GATA4: variants seen among roughly 807,000 people sequenced by gnomAD.
The protein encoded by GATA4 is GATA binding protein 4, also known as transcription factor GATA-4.
In GATA4, 7 loss-of-function variants were observed where a neutral mutation model predicts 37.9. The ratio of observed to expected loss-of-function variants is 0.18; its 90% confidence interval spans 0.11 to 0.35. The LOEUF is 0.35. GATA4 is among the 10% of genes least tolerant of loss of function. The probability of loss-of-function intolerance (pLI) is 1.00; values close to 1 mark genes in which losing one functional copy is unlikely to be tolerated. For synonymous variants in GATA4, 372 were observed against 292.6 expected (o/e 1.27, Z -2.77); for missense variants, 647 against 653.0 (o/e 0.99, Z 0.10).
intron 2 of GATA4, among the ~76,000 whole-genome samples, chr8:11,735,641 C>A (rs1467344682): frequency 6.6e-6 from 1 of 152,210 alleles, no homozygotes; most frequent in East Asian, 1.9e-4. Context: ...CGGCTCACTG[C>A]AACCTCCTCC....
At chr8:11,698,906 G>A (rs1359993299) in intron 1 of GATA4, among the ~76,000 whole-genome samples, 1 of 152,158 alleles carries the variant, frequency 6.6e-6, no homozygotes, top group Non-Finnish European at 1.5e-5. Context: ...GTGCCACCCA[G>A]GCTGGGCCCC....
intron 4 of GATA4, among the ~76,000 whole-genome samples, chr8:11,752,206 A>G (rs17153743): frequency 0.042 from 6,403 of 152,336 alleles, 436 homozygotes; most frequent in African/African-American, 0.15. Context: ...TCGAAGGTGC[A>G]TTAAACAGAC....
At chr8:11,750,058 G>A in intron 3 of GATA4, 53 bp from the exon 4 acceptor site, 2 of 1,613,252 alleles carry the variant, frequency 1.2e-6, no homozygotes, top group Non-Finnish European at 8.5e-7. Context: ...CGAGGTGGAA[G>A]GGCAGTGCAC....
chr8:11,733,623 A>T (rs548214663), intron 2 of GATA4, among the ~76,000 whole-genome samples: 4 of 152,260 alleles, frequency 2.6e-5, no homozygotes, highest in Non-Finnish European at 5.9e-5. Context: ...TGCCTTAACA[A>T]TGCCAAACTA....
Position 11,758,557 on chromosome 8 carries a change from G to C in GATA4, c.*82G>C. On this transcript the variant is annotated 3_prime_UTR_variant, in exon 7 of 7. Coordinates refer to ENST00000532059, the MANE Select transcript of GATA4 (RefSeq NM_001308093.3). ...AGAAGGAGGCCCTGGGCTCCCAGGG[G>C]CCGGCCTCCTCTGCCTGGTAATGAC... 7.3e-7 allele frequency: 1 copy of C among 1,378,014 alleles called. No homozygotes were observed. The highest frequency in any genetic ancestry group is 1.0e-6 in the Non-Finnish European group (1 of 967,220). The allele number at this position is 1,378,014 out of a possible 1,614,324, so 85.4% of individuals were successfully genotyped here.
chr8:11,696,304 C>T (rs1251102322), intron 1 of GATA4, among the ~76,000 whole-genome samples: 1 of 152,128 alleles, frequency 6.6e-6, no homozygotes, highest in Non-Finnish European at 1.5e-5. Context: ...CCCCTGGCAA[C>T]CTCTGATCTG....
chr8:11,686,967 C>T (rs147193126), intron 1 of GATA4, among the ~76,000 whole-genome samples: 114 of 150,966 alleles, frequency 7.6e-4, no homozygotes, highest in East Asian at 6.4e-3. Context: ...CATTGCACTC[C>T]GGCCTGGGTG....
At chr8:11,717,518 C>T (rs1800489316) in intron 2 of GATA4, among the ~76,000 whole-genome samples, 2 of 152,146 alleles carry the variant, frequency 1.3e-5, no homozygotes, top group Admixed American at 6.5e-5. Context: ...AGTAAACAGC[C>T]CTGGTTTGGA....
At chr8:11,728,547 T>A (rs971254872) in intron 2 of GATA4, among the ~76,000 whole-genome samples, 2 of 151,648 alleles carry the variant, frequency 1.3e-5, no homozygotes, top group South Asian at 2.1e-4. Context: ...TTTTTTTTAA[T>A]TATCATTTTA....
Position 11,749,028 on chromosome 8 carries a change from C to T in GATA4, c.729C>T (p.Gly243=), listed in dbSNP as rs1184210982. Residue 243 remains glycine, a synonymous_variant, in exon 3 of 7, where the codon GGC becomes GGT. Coordinates refer to ENST00000532059, the MANE Select transcript of GATA4 (RefSeq NM_001308093.3). The surrounding 1 kb of genome is among the most constrained non-coding windows in gnomAD (Gnocchi z 4.6). ...GTGHYLCNAC[G]LYHKMNGINR... ...GTCACTATCTGTGCAACGCCTGCGGCCTCTACCACAAGATGAACGGCATCA... is the reference window on the plus strand; with the variant it reads ...GTCACTATCTGTGCAACGCCTGCGGTCTCTACCACAAGATGAACGGCATCA... The T allele has an allele frequency of 6.2e-7, 1 of 1,614,262 alleles. No individual in the cohort carries two copies. Among genetic ancestry groups the T allele is most frequent in the South Asian group, 1.1e-5 (1 of 91,090 alleles).
At chr8:11,678,501 T>A (rs1798852850) in intron 1 of GATA4, among the ~76,000 whole-genome samples, 1 of 152,222 alleles carries the variant, frequency 6.6e-6, no homozygotes, top group Middle Eastern at 3.2e-3. Flanking sequence ...TTCCTGCTCT[T>A]CTGTACGCTG....
chr8:11,753,381 G>T (rs954969030), intron 4 of GATA4, among the ~76,000 whole-genome samples: 2 of 152,146 alleles, frequency 1.3e-5, no homozygotes, highest in Non-Finnish European at 2.9e-5. Flanking sequence ...GAGTTCTGGG[G>T]ATGGTGGTCA....
intron 2 of GATA4, among the ~76,000 whole-genome samples, chr8:11,734,904 G>T (rs997265851): frequency 6.6e-6 from 1 of 152,178 alleles, no homozygotes; most frequent in African/African-American, 2.4e-5. Context: ...AGGATTGCAA[G>T]ATCTAAATTT....
At chr8:11,738,453 A>G (rs1801566804) in intron 2 of GATA4, among the ~76,000 whole-genome samples, 1 of 152,218 alleles carries the variant, frequency 6.6e-6, no homozygotes, top group Non-Finnish European at 1.5e-5. Flanking sequence ...ATTTCATAGC[A>G]TATACTGCAA....
chr8:11,708,569 G>A lies in GATA4; in HGVS notation c.257G>A (p.Ser86Asn). The change falls in exon 2 of 7, where the codon AGC (serine) becomes AAC (asparagine). Residue 86 changes from serine to asparagine, a missense_variant. Ser to Asn is a conservative substitution (Grantham distance 46). Transcript: ENST00000532059. This position sits in a 1 kb window ranked among gnomAD's most constrained non-coding sequence, Gnocchi z 6.7. Reference sequence around the variant, plus strand: ...GCGGGGCCCGGGACCCAGCAGGGCAGCCCGGGATGGAGCCAGGCGGGAGCC... The same window carrying A: ...GCGGGGCCCGGGACCCAGCAGGGCAACCCGGGATGGAGCCAGGCGGGAGCC... Reference protein sequence around the residue: ...SGAGPGTQQGSPGWSQAGADG... With the variant: ...SGAGPGTQQGNPGWSQAGADG... 1 of 1,372,706 alleles carries A rather than the reference G, an allele frequency of 7.3e-7. No homozygotes were observed. Among genetic ancestry groups the A allele is most frequent in the Non-Finnish European group, 9.4e-7 (1 of 1,069,214 alleles). 85.0% of individuals were successfully genotyped at this position (1,372,706 alleles called of 1,614,324 possible).
At chr8:11,730,026 A>G (rs1355678170) in intron 2 of GATA4, among the ~76,000 whole-genome samples, 10 of 152,156 alleles carry the variant, frequency 6.6e-5, no homozygotes, top group Admixed American at 1.3e-4. Flanking sequence ...CCAGGGTTCA[A>G]GGAATCCTCA....
At chr8:11,689,495 A>T (rs1328426425), upstream of GATA4, among the ~76,000 whole-genome samples, 6 of 152,108 alleles carry the variant, frequency 3.9e-5, no homozygotes, top group Non-Finnish European at 8.8e-5. Flanking sequence ...TGCCCCACAC[A>T]CACTTGGCTA....
At chr8:11,731,532 C>T (rs992665893) in intron 2 of GATA4, among the ~76,000 whole-genome samples, 1 of 152,212 alleles carries the variant, frequency 6.6e-6, no homozygotes, top group Admixed American at 6.5e-5. Flanking sequence ...CCGTCAAATT[C>T]ATGACGACAG....
intron 2 of GATA4, among the ~76,000 whole-genome samples, chr8:11,743,110 G>A (rs890032517): frequency 6.6e-6 from 1 of 152,224 alleles, no homozygotes; most frequent in African/African-American, 2.4e-5. Context: ...TGAACGTCCA[G>A]GATGCTGAAG....
Sources: gnomAD v4.1 joint callset for allele counts (sites outside exome capture counted in the v4.1 genomes callset) on GRCh38, gnomAD v4.1.1 for gene constraint, Gnocchi (gnomAD v3.1) non-coding constraint, MANE v1.5 for transcripts, NCBI Gene and HGNC (gene_info 2026-07-23, HGNC 2026-07-21) for gene names.